The following DIP2C variants were observed in gnomAD, a reference collection of about 807,000 sequenced individuals.
The protein encoded by DIP2C is disco-interacting protein 2 homolog C.
Under a neutral mutation model 192.4 loss-of-function variants are expected in DIP2C, and 33 were observed. The observed-to-expected ratio is 0.17, with a 90% confidence interval of 0.13 to 0.23. The LOEUF is 0.23. Among genes scored for constraint, DIP2C ranks in the 10% least tolerant of loss-of-function variants. The probability of loss-of-function intolerance (pLI) is 1.00; values close to 1 mark genes in which losing one functional copy is unlikely to be tolerated. For missense variants in DIP2C, 1,537 were observed against 2,110.1 expected (o/e 0.73, Z 5.32); for synonymous variants, 979 against 864.1 (o/e 1.13, Z -2.33).
At chr10:568,052 G>T (rs1041189224) in intron 1 of DIP2C, among the ~76,000 whole-genome samples, 1 of 152,148 alleles carries the variant, frequency 6.6e-6, no homozygotes, top group Admixed American at 6.5e-5. Context: ...CTGCATCCCC[G>T]CAGTTCTCTG....
At chr10:475,609 C>A (rs1970995840) in intron 2 of DIP2C, among the ~76,000 whole-genome samples, 1 of 152,116 alleles carries the variant, frequency 6.6e-6, no homozygotes, top group Non-Finnish European at 1.5e-5. Context: ...TCGTGAATAT[C>A]TCCTAAGTGG....
intron 1 of DIP2C, among the ~76,000 whole-genome samples, chr10:525,501 G>A (rs1221285466): frequency 6.6e-6 from 1 of 152,164 alleles, no homozygotes. Context: ...CAAATACAAA[G>A]TGTTTGAGGA....
rs542967733 is a variant in DIP2C, at chr10:518,106, C to T, written c.86-31576G>A. On this transcript the variant is annotated intron_variant, in intron 1 of 36. Transcript: ENST00000280886. ...CTGACAGCCACACTGGCCAGCAAGT[C>T]CTGGTCAGCTCGGTCTCTGCACAGT... Among the ~76,000 whole-genome samples, 6 of 152,328 alleles carry T rather than the reference C, an allele frequency of 3.9e-5. No individual in the cohort carries two copies. The South Asian group carries it at 1.2e-3, about 32-fold the overall frequency.
chr10:368,898 A>C (rs2132775685), intron 18 of DIP2C, among the ~76,000 whole-genome samples: 1 of 152,372 alleles, frequency 6.6e-6, no homozygotes, highest in Admixed American at 6.5e-5. Context: ...TTGAGCGCCA[A>C]GCGTGTGCAC....
chr10:351,911 C>A (rs1413222935), intron 24 of DIP2C, among the ~76,000 whole-genome samples: 1 of 152,190 alleles, frequency 6.6e-6, no homozygotes, highest in Non-Finnish European at 1.5e-5. Flanking sequence ...CCATTCAAGT[C>A]CACCCCGACT....
intron 1 of DIP2C, chr10:664,949 T>C (rs576255880): frequency 6.6e-6 from 1 of 152,220 alleles, no homozygotes; most frequent in African/African-American, 2.4e-5. Flanking sequence ...TTTATAACGA[T>C]GTTTTAATTA....
At position 334,076 on chromosome 10, in the gene DIP2C, G is replaced by A. The variant is rs1433560458; in HGVS notation, c.3585-4475C>T. Among the ~76,000 whole-genome samples, 11 of 152,116 alleles carry A rather than the reference G, an allele frequency of 7.2e-5. No individual in the cohort carries two copies. The South Asian group carries it at 1.7e-3, about 23-fold the overall frequency. On this transcript the variant is annotated intron_variant, in intron 29 of 36. Transcript: ENST00000280886. ...TCCCAGCACTTTGGGAGGCTGAAGC[G>A]GGCAGATTACTTGAGGTAAGGAGTT... is the stretch of plus-strand genomic sequence containing the variant.
intron 1 of DIP2C, among the ~76,000 whole-genome samples, chr10:495,171 A>C (rs1844729256): frequency 6.6e-6 from 1 of 151,812 alleles, no homozygotes; most frequent in South Asian, 2.1e-4. Flanking sequence ...GGCATCTTAA[A>C]AAAGTAGAAT....
At chr10:457,716 C>A (rs1969415374) in intron 3 of DIP2C, among the ~76,000 whole-genome samples, 2 of 151,096 alleles carry the variant, frequency 1.3e-5, no homozygotes, top group South Asian at 4.1e-4. Context: ...GCCACCACAC[C>A]CGGCTAGTCT....
At chr10:409,088 T>G in intron 8 of DIP2C, 71 bp from the exon 9 acceptor site, 13 of 1,521,522 alleles carry the variant, frequency 8.5e-6, no homozygotes, top group African/African-American at 4.1e-5. Flanking sequence ...CAAGTCAAAG[T>G]CTAGGACATG....
At chr10:519,975 C>T (rs1588373871) in intron 1 of DIP2C, among the ~76,000 whole-genome samples, 1 of 152,334 alleles carries the variant, frequency 6.6e-6, no homozygotes, top group Non-Finnish European at 1.5e-5. Flanking sequence ...TGGAGCACAC[C>T]ATGGCGGGCA....
At position 364,510 on chromosome 10, in the gene DIP2C, C is replaced by A. The variant is rs143263010; in HGVS notation, c.2341G>T (p.Val781Leu). 4 of 1,614,192 alleles carry A rather than the reference C, an allele frequency of 2.5e-6. No individual in the cohort carries two copies. The highest frequency in any genetic ancestry group is 1.7e-5 in the Admixed American group (1 of 60,034). Residue 781 changes from valine (V) to leucine (L), a missense_variant, in exon 20 of 37, where the codon GTG (valine) becomes TTG (leucine). Around this residue, in one of 4 missense-constraint regions of DIP2C, gnomAD observed 677 missense variants for 989.9 expected, o/e 0.68. Transcript: ENST00000280886. ...PFIRTGLLGF[V>L]GPGGLVFVVG... is the part of the protein sequence containing the mutation. ...ACGAAGACGAGGCCTCCGGGACCCA[C>A]GAACCCCAGCAAGCCTGTCCTTATG...
intron 36 of DIP2C, among the ~76,000 whole-genome samples, chr10:279,899 G>A (rs907000282): frequency 5.3e-5 from 8 of 152,188 alleles, no homozygotes; most frequent in Admixed American, 1.3e-4. Flanking sequence ...ACCTTTTAGC[G>A]GGAAACCAGA....
chr10:588,580 G>A (rs80292512), intron 1 of DIP2C, among the ~76,000 whole-genome samples: 1,573 of 152,326 alleles, frequency 0.01, 33 homozygotes, highest in African/African-American at 0.036. Flanking sequence ...CAGTAACAGA[G>A]GTCCCGGCAG....
intron 31 of DIP2C, among the ~76,000 whole-genome samples, chr10:316,043 C>A (rs1956761782): frequency 6.6e-6 from 1 of 152,060 alleles, no homozygotes; most frequent in Non-Finnish European, 1.5e-5. Context: ...GCAATACCCC[C>A]CACCTCTTCA....
chr10:369,415 G>C, intron 18 of DIP2C, 79 bp downstream of exon 18: 1 of 1,459,994 alleles, frequency 6.8e-7, no homozygotes. Flanking sequence ...CGGGAACGTG[G>C]GAACGCAGGC....
chr10:668,880 C>G (rs1057428820), intron 1 of DIP2C: 8 of 152,088 alleles, frequency 5.3e-5, no homozygotes, highest in African/African-American at 1.9e-4. Flanking sequence ...CATTTTACAC[C>G]CACTTTGGTG....
intron 1 of DIP2C, among the ~76,000 whole-genome samples, chr10:490,795 C>T (rs750637287): frequency 2.4e-4 from 36 of 152,154 alleles, no homozygotes; most frequent in Non-Finnish European, 4.4e-4. Context: ...AGAGACTTTC[C>T]GTAAGAATTA....
chr10:592,671 TGAC>T (rs1479580646), intron 1 of DIP2C, among the ~76,000 whole-genome samples: 3 of 152,120 alleles, frequency 2.0e-5, no homozygotes, highest in South Asian at 2.1e-4. Flanking sequence ...AGCAAAATAA[TGAC>T]AACACTATTT....
Sources: gnomAD v4.1 joint callset for allele counts (sites outside exome capture counted in the v4.1 genomes callset) on GRCh38, gnomAD v4.1.1 for gene constraint, gnomAD v4.1.1 regional missense constraint, MANE v1.5 for transcripts, NCBI Gene and HGNC (gene_info 2026-07-23, HGNC 2026-07-21) for gene names.